The following MAP3K15 variants were observed in gnomAD, a reference collection of about 807,000 sequenced individuals.
MAP3K15 encodes MAPK/ERK kinase kinase 15.
A neutral mutation model predicts 99.5 loss-of-function variants in MAP3K15; 124 were observed. The ratio of observed to expected loss-of-function variants is 1.25; its 90% confidence interval spans 1.08 to 1.45. The LOEUF is 1.45. Ranked by LOEUF, MAP3K15 falls within the 40% of genes most tolerant of loss-of-function variation. MAP3K15 has a pLI of 0.00. For synonymous variants in MAP3K15, 494 were observed against 439.6 expected, an observed-to-expected ratio of 1.12 and a Z score of -1.55; for missense variants, 1,242 against 1,079.7, an observed-to-expected ratio of 1.15 and a Z score of -2.11.
intron 6 of MAP3K15, among the ~76,000 whole-genome samples, chrX:19,440,201 C>T (rs1270015343): frequency 8.9e-6 from 1 of 112,239 alleles, no homozygotes; most frequent in Non-Finnish European, 1.9e-5. Flanking sequence ...ACAGCAGCTT[C>T]CTGCTGATGC....
At chrX:19,402,778 C>G (rs1339319993) in intron 13 of MAP3K15, among the ~76,000 whole-genome samples, 1 of 111,363 alleles carries the variant, frequency 9.0e-6, no homozygotes, top group Non-Finnish European at 1.9e-5. Flanking sequence ...AATCCTCCCA[C>G]CTCATCCTCC....
chrX:19,378,388 A>G (rs769174806), intron 19 of MAP3K15, among the ~76,000 whole-genome samples: 24 of 112,146 alleles, frequency 2.1e-4, no homozygotes, highest in African/African-American at 7.4e-4. Flanking sequence ...ATTTATAAAG[A>G]GGTTTAATTG....
chrX:19,433,845 G>A (rs1298571402), intron 6 of MAP3K15, among the ~76,000 whole-genome samples: 1 of 111,798 alleles, frequency 8.9e-6, no homozygotes, highest in Non-Finnish European at 1.9e-5. Flanking sequence ...TGTTTGTTAT[G>A]GCACTGCTTG....
In MAP3K15 at chrX:19,384,748, GGAAAAAAAA is replaced by G. The variant is rs1440379509; in HGVS notation, c.2432-4480_2432-4472del. The stretch of plus-strand genomic sequence containing the variant: ...GATGGGAGTGAGACCTTGTCTCAGG[GGAAAAAAAA>G]AAAAAAAAAAAAAAAAAAAAAAACT... On this transcript the variant is annotated intron_variant, in intron 18 of 28. Coordinates refer to ENST00000338883, the MANE Select transcript of MAP3K15 (RefSeq NM_001001671.4). 3.2e-3 allele frequency among the ~76,000 whole-genome samples: 181 copies of G among 56,457 alleles called. 6 individuals carry two copies. The highest frequency in any genetic ancestry group is 0.012 in the African/African-American group (170 of 14,300). 49.0% of individuals were successfully genotyped at this position (56,457 alleles called of 115,157 possible). A position where few individuals can be genotyped will look rare whatever the true frequency, so the allele number is the denominator to read the frequency against.
rs368529898 is a variant in MAP3K15 at position 19,464,247 on chromosome X, T to A, written c.685A>T (p.Ile229Phe). The A allele has an allele frequency of 1.8e-5, 22 of 1,197,917 alleles. No homozygotes were observed. The highest frequency in any genetic ancestry group is 2.3e-4 in the Middle Eastern group (1 of 4,370). ...ACGTGGATGTCCTTAAGGAGGCTAA[T>A]GAACCTGTCCACCAAAGGCATGCAC... ...PLCMPLVDRF[I>F]SLLKDIHVTS... is the part of the protein sequence containing the mutation. Residue 229 changes from isoleucine to phenylalanine, a missense_variant, in exon 4 of 29, where the codon ATT becomes TTT. Physicochemically the swap from Ile to Phe is conservative, Grantham distance 21. Transcript: ENST00000338883.
chrX:19,403,263 TA>T (rs1297522389), intron 13 of MAP3K15, among the ~76,000 whole-genome samples: 1 of 110,856 alleles, frequency 9.0e-6, no homozygotes, highest in Non-Finnish European at 1.9e-5. Flanking sequence ...AATGTATTTT[TA>T]AAAAAAGGCA....
intron 3 of MAP3K15, among the ~76,000 whole-genome samples, chrX:19,473,687 G>A (rs1380025286): frequency 2.7e-5 from 3 of 111,833 alleles, no homozygotes; most frequent in African/African-American, 6.5e-5. Context: ...CTCTGACAGC[G>A]TGGGGATAGG....
intron 6 of MAP3K15, among the ~76,000 whole-genome samples, chrX:19,444,448 G>T (rs990646856): frequency 9.0e-6 from 1 of 111,538 alleles, no homozygotes; most frequent in Non-Finnish European, 1.9e-5. Flanking sequence ...AAAATCCAGA[G>T]ATACGCCACT....
At chrX:19,482,202 T>C (rs2064296159) in intron 3 of MAP3K15, 1 of 88,980 alleles carries the variant, frequency 1.1e-5, no homozygotes, top group African/African-American at 5.5e-5. Flanking sequence ...AAAAAGCCTA[T>C]ATTTACCATA....
chrX:19,504,261 G>C (rs1355640583), intron 1 of MAP3K15, among the ~76,000 whole-genome samples: 1 of 111,702 alleles, frequency 9.0e-6, no homozygotes, highest in Non-Finnish European at 1.9e-5. Context: ...GGCTTCAGTG[G>C]CTTAATTGCT....
At chrX:19,423,271 A>T (rs1051044594) in intron 9 of MAP3K15, among the ~76,000 whole-genome samples, 5 of 111,433 alleles carry the variant, frequency 4.5e-5, no homozygotes, top group Non-Finnish European at 9.4e-5. Context: ...AGAAATTTCC[A>T]TCCCCACAGG....
chrX:19,486,146 C>A (rs907642754), intron 3 of MAP3K15, among the ~76,000 whole-genome samples: 3 of 111,060 alleles, frequency 2.7e-5, no homozygotes, highest in Admixed American at 9.7e-5. Context: ...GGTATTGACT[C>A]CAGCAAAACG....
At chrX:19,480,117 C>T (rs1393996474) in intron 3 of MAP3K15, among the ~76,000 whole-genome samples, 2 of 111,971 alleles carry the variant, frequency 1.8e-5, no homozygotes, top group Non-Finnish European at 1.9e-5. Context: ...CAAAATATTG[C>T]TGAAATAAAT....
At chrX:19,385,625 C>T (rs1267708346) in intron 18 of MAP3K15, among the ~76,000 whole-genome samples, 5 of 111,288 alleles carry the variant, frequency 4.5e-5, no homozygotes, top group African/African-American at 6.5e-5. Flanking sequence ...CTGACTCAAA[C>T]GACTCTGGAA....
At chrX:19,501,507 G>A (rs745828908) in intron 1 of MAP3K15, among the ~76,000 whole-genome samples, 17 of 111,405 alleles carry the variant, frequency 1.5e-4, no homozygotes, top group Non-Finnish European at 2.6e-4. Flanking sequence ...TAATAAAATC[G>A]TAAGTGCACT....
At chrX:19,486,568 A>G in intron 2 of MAP3K15, 63 bp from the exon 3 acceptor site, 1 of 493,080 alleles carries the variant, frequency 2.0e-6, no homozygotes, top group Non-Finnish European at 3.1e-6. Context: ...CATAAGCATT[A>G]GCCAGCACTC....
At chrX:19,417,409 G>A (rs1245642662) in intron 9 of MAP3K15, among the ~76,000 whole-genome samples, 1 of 112,137 alleles carries the variant, frequency 8.9e-6, no homozygotes, top group Admixed American at 9.4e-5. Context: ...CCCGCGCCTG[G>A]CTCAGAGGGT....
At chrX:19,430,809 G>A (rs942153668) in intron 7 of MAP3K15, among the ~76,000 whole-genome samples, 1 of 110,411 alleles carries the variant, frequency 9.1e-6, no homozygotes, top group African/African-American at 3.3e-5. Context: ...ACTTTCTCCA[G>A]TTATCTGTGA....
At chrX:19,489,173 A>G (rs1271536767) in intron 1 of MAP3K15, among the ~76,000 whole-genome samples, 4 of 111,952 alleles carry the variant, frequency 3.6e-5, no homozygotes, top group Non-Finnish European at 7.5e-5. Context: ...TTCTTCTTCA[A>G]AGTGCTGGGA....
Sources: allele counts gnomAD v4.1 joint callset (sites outside exome capture counted in the v4.1 genomes callset), GRCh38; gene constraint gnomAD v4.1.1; transcripts MANE v1.5; gene names NCBI Gene and HGNC (gene_info 2026-07-23, HGNC 2026-07-21).